Variants in DIP2B observed in about 807,000 individuals in gnomAD.
DIP2B encodes DIP2 acetate--CoA ligase B (putative).
A neutral mutation model predicts 198.0 loss-of-function variants in DIP2B; 76 were observed. The observed-to-expected ratio is 0.38, with a 90% CI of 0.32 to 0.46. The LOEUF (loss-of-function observed/expected upper bound fraction) is 0.46. Among genes scored for constraint, DIP2B ranks in the 20% least tolerant of loss-of-function variants. The pLI, the probability that DIP2B is intolerant of heterozygous loss-of-function variation, is 0.99. For missense variants in DIP2B, 1,559 were observed against 1,978.4 expected (o/e 0.79, Z 4.02); for synonymous variants, 701 against 739.1 (o/e 0.95, Z 0.84).
At chr12:50,548,411 ATG>A (rs1488001431) in intron 1 of DIP2B, among the ~76,000 whole-genome samples, 3 of 152,246 alleles carry the variant, frequency 2.0e-5, no homozygotes, top group Non-Finnish European at 4.4e-5. Context: ...TGTTGTGTAT[ATG>A]TGTATATATA....
chr12:50,651,196 C>T (rs1245410135), intron 3 of DIP2B, among the ~76,000 whole-genome samples: 1 of 152,056 alleles, frequency 6.6e-6, no homozygotes, highest in Non-Finnish European at 1.5e-5. Context: ...TTTTTTGTTA[C>T]TGGGTTATAG....
intron 1 of DIP2B, among the ~76,000 whole-genome samples, chr12:50,542,356 T>A (rs1223770329): frequency 6.6e-6 from 1 of 152,086 alleles, no homozygotes; most frequent in Non-Finnish European, 1.5e-5. Context: ...TATTCAAAAA[T>A]TTTTTTCATC....
At chr12:50,735,162 G>C in intron 34 of DIP2B, 32 bp downstream of exon 34, 2 of 1,613,130 alleles carry the variant, frequency 1.2e-6, no homozygotes, top group Non-Finnish European at 1.7e-6. Flanking sequence ...GGGGAAGGTG[G>C]GCTGTGTGGA....
intron 1 of DIP2B, among the ~76,000 whole-genome samples, chr12:50,541,526 T>A (rs4129355): frequency 0.87 from 132,474 of 151,904 alleles, 58,938 homozygotes; most frequent in Non-Finnish European, 0.98. Flanking sequence ...TTACTGTAGC[T>A]CTTCATATTC....
chr12:50,625,442 G>C (rs1305805922), intron 1 of DIP2B, among the ~76,000 whole-genome samples: 1 of 152,152 alleles, frequency 6.6e-6, no homozygotes, highest in Non-Finnish European at 1.5e-5. Context: ...ACAAAGCATT[G>C]AACCAAGGGG....
intron 1 of DIP2B, among the ~76,000 whole-genome samples, chr12:50,545,748 G>C (rs1184745216): frequency 6.8e-6 from 1 of 147,740 alleles, no homozygotes; most frequent in Admixed American, 6.9e-5. Flanking sequence ...TGATTCTCCT[G>C]CCTCTGACTC....
intron 1 of DIP2B, among the ~76,000 whole-genome samples, chr12:50,571,565 T>C (rs1475327669): frequency 1.4e-5 from 2 of 147,648 alleles, no homozygotes; most frequent in Non-Finnish European, 3.0e-5. Context: ...TTTTTTTTTT[T>C]TTTTTGAGAC....
In DIP2B at chr12:50,715,667, A is replaced by G. The variant is rs1939701250; in HGVS notation, c.2851+1071A>G. On this transcript the variant is annotated intron_variant, in intron 23 of 37. Coordinates refer to ENST00000301180, the MANE Select transcript of DIP2B (RefSeq NM_173602.3). ...GGGCTCATTAGGCTCCCCAACCTCTACATCCCAGCCAGCAGGTAGGAGGAA... is the reference window on the plus strand; with the variant it reads ...GGGCTCATTAGGCTCCCCAACCTCTGCATCCCAGCCAGCAGGTAGGAGGAA... Among the ~76,000 whole-genome samples, 8 of 152,350 alleles carry G rather than the reference A, an allele frequency of 5.3e-5. No homozygotes were observed. The South Asian group carries it at 1.7e-3, about 32-fold the overall frequency.
intron 35 of DIP2B, among the ~76,000 whole-genome samples, chr12:50,738,790 A>T (rs1226681411): frequency 1.3e-5 from 2 of 152,182 alleles, no homozygotes; most frequent in Admixed American, 6.5e-5. Context: ...TATTTTAAAA[A>T]TTTTTAAATG....
chr12:50,671,235 G>A lies in DIP2B; in HGVS notation c.477G>A (p.Ala159=), dbSNP rs751783633. 41 of 1,613,930 alleles carry A rather than the reference G, an allele frequency of 2.5e-5. No homozygotes were observed. The highest frequency in any genetic ancestry group is 1.3e-4 in the African/African-American group (10 of 74,874). ...AGGGCTCTCTGAGACGCCAAGCTGC[G>A]CTCTCTGCTGCCTTGCAACAGAGCT... ...EDEGSLRRQA[A]LSAALQQSLQ... is the part of the protein sequence containing the mutation. The change falls in exon 5 of 38, where the codon GCG becomes GCA. Residue 159 remains alanine, a synonymous_variant. Coordinates refer to ENST00000301180, the MANE Select transcript of DIP2B (RefSeq NM_173602.3).
intron 22 of DIP2B, among the ~76,000 whole-genome samples, chr12:50,711,780 A>G (rs1939621198): frequency 6.6e-6 from 1 of 152,036 alleles, no homozygotes; most frequent in Non-Finnish European, 1.5e-5. Flanking sequence ...GGCTGGTCTC[A>G]AACTCCTGAC....
At chr12:50,544,693 C>A (rs1958360324) in intron 1 of DIP2B, among the ~76,000 whole-genome samples, 1 of 149,998 alleles carries the variant, frequency 6.7e-6, no homozygotes, top group South Asian at 2.1e-4. Context: ...TCTCAGTTCA[C>A]TGCAACCTCC....
At chr12:50,720,138 C>T (rs1407207309) in intron 25 of DIP2B, among the ~76,000 whole-genome samples, 1 of 151,790 alleles carries the variant, frequency 6.6e-6, no homozygotes, top group Non-Finnish European at 1.5e-5. Flanking sequence ...ACATGTTGGT[C>T]AGGCTGGTCT....
chr12:50,711,190 A>C (rs1308844443), intron 22 of DIP2B, among the ~76,000 whole-genome samples: 1 of 152,232 alleles, frequency 6.6e-6, no homozygotes, highest in Non-Finnish European at 1.5e-5. Flanking sequence ...TTCTTTTCGC[A>C]GTCTTTGTAA....
At chr12:50,619,739 C>G (rs969949584) in intron 1 of DIP2B, among the ~76,000 whole-genome samples, 4 of 152,180 alleles carry the variant, frequency 2.6e-5, no homozygotes. Flanking sequence ...AAGGGAGAGA[C>G]TGTTCCCCAT....
intron 1 of DIP2B, among the ~76,000 whole-genome samples, chr12:50,555,502 T>G (rs941223120): frequency 6.6e-6 from 1 of 152,160 alleles, no homozygotes; most frequent in Non-Finnish European, 1.5e-5. Context: ...GCTTATGTTT[T>G]CCTCCCTACT....
chr12:50,721,533 C>T (rs1036142880), intron 26 of DIP2B, 137 bp downstream of exon 26: 153 of 1,336,672 alleles, frequency 1.1e-4, no homozygotes, highest in Non-Finnish European at 1.5e-4. Context: ...ACCATGCACA[C>T]AGGCCAAAGT....
intron 1 of DIP2B, among the ~76,000 whole-genome samples, chr12:50,578,348 TTTTTG>T (rs1212713909): frequency 1.4e-5 from 2 of 138,318 alleles, no homozygotes; most frequent in South Asian, 4.7e-4. Flanking sequence ...GTACATCTTT[TTTTTG>T]TTTGTTTGTT....
chr12:50,578,302 C>T (rs10876063), intron 1 of DIP2B, among the ~76,000 whole-genome samples: 41,501 of 151,862 alleles, frequency 0.27, 6,002 homozygotes, highest in East Asian at 0.39. Context: ...CCACTGTGGC[C>T]GGCCTTGTTT....
Sources: gnomAD v4.1 joint callset for allele counts (sites outside exome capture counted in the v4.1 genomes callset) on GRCh38, gnomAD v4.1.1 for gene constraint, MANE v1.5 for transcripts, NCBI Gene and HGNC (gene_info 2026-07-23, HGNC 2026-07-21) for gene names.